Variants in NOTCH3 observed in about 807,000 individuals in gnomAD.
NOTCH3 encodes notch receptor 3, also known as neurogenic locus notch homolog protein 3.
Under a neutral mutation model 213.3 loss-of-function variants are expected in NOTCH3, and 86 were observed. The observed-to-expected ratio is 0.40, with a 90% confidence interval of 0.34 to 0.48. The LOEUF (loss-of-function observed/expected upper bound fraction) is 0.48, where lower values mean the gene tolerates loss of function less well. Ranked by LOEUF, NOTCH3 falls within the 20% of genes least tolerant of loss-of-function variation. The probability of loss-of-function intolerance (pLI) is 0.57; values close to 1 mark genes in which losing one functional copy is unlikely to be tolerated. For synonymous variants in NOTCH3, 1,354 were observed against 1,355.9 expected (o/e 1.00, Z 0.03); for missense variants, 2,783 against 3,272.6 (o/e 0.85, Z 3.65).
At chr19:15,182,088 G>C (rs771670041) in intron 16 of NOTCH3, among the ~76,000 whole-genome samples, 3 of 152,196 alleles carry the variant, frequency 2.0e-5, no homozygotes, top group Admixed American at 2.0e-4. Flanking sequence ...CCTGTGCTTG[G>C]AACAGGACAA....
Position 15,161,485 on chromosome 19 carries a change from G to T in NOTCH3, c.6143C>A (p.Ala2048Asp). 1 of 1,581,842 alleles carries T rather than the reference G, an allele frequency of 6.3e-7. No homozygotes were observed. Among genetic ancestry groups the T allele is most frequent in the Non-Finnish European group, 8.6e-7 (1 of 1,163,886 alleles). Residue 2048 changes from alanine to aspartate, a missense_variant, in exon 33 of 33, where the codon GCC (alanine) becomes GAC (aspartate). Ala to Asp is a moderately radical substitution (Grantham distance 126). Transcript: ENST00000263388. ...GLGPLLCPPGAFLPGLKAAQS... is the reference protein window; with the variant it reads ...GLGPLLCPPGDFLPGLKAAQS... Reference sequence around the variant, plus strand: ...TGCCGCTTTGAGGCCAGGGAGGAAGGCCCCTGGAGGACAGAGCAGAGGCCC... The same window carrying T: ...TGCCGCTTTGAGGCCAGGGAGGAAGTCCCCTGGAGGACAGAGCAGAGGCCC...
chr19:15,161,784 G>A, intron 32 of NOTCH3, 70 bp from the exon 33 acceptor site: 3 of 1,393,960 alleles, frequency 2.2e-6, no homozygotes, highest in Non-Finnish European at 3.0e-6. Flanking sequence ...CAGCCTCTTG[G>A]GGGAGCCCGA....
At position 15,189,404 on chromosome 19, in the gene NOTCH3, G is replaced by A. The variant is rs1424654182; in HGVS notation, c.1061C>T (p.Ala354Val). 1.2e-6 allele frequency: 2 copies of A among 1,613,846 alleles called. No homozygotes were observed. Among genetic ancestry groups the A allele is most frequent in the South Asian group, 2.2e-5 (2 of 91,092 alleles). Residue 354 changes from alanine (A) to valine (V), a missense_variant, in exon 7 of 33, where the codon GCC becomes GTC. Physicochemically the swap from Ala to Val is moderately conservative, Grantham distance 64. Around this residue, in one of 6 missense-constraint regions of NOTCH3, gnomAD observed 708 missense variants for 906.6 expected, o/e 0.78. Transcript: ENST00000263388. ...KTGLLCHLDD[A>V]CVSNPCHEDA... ...CTCGTGGCAGGGGTTGCTGACACAG[G>A]CGTCATCCAGGTGACACAGGAGGCC...
Position 15,170,733 on chromosome 19 carries a change from T to A in NOTCH3, c.4829A>T (p.Tyr1610Phe), listed in dbSNP as rs2145401574. Reference protein sequence around the residue: ...CFPDAQSAADYLGALSAVERL... With the variant: ...CFPDAQSAADFLGALSAVERL... ...CTCCACCGCTGACAACGCTCCCAGG[T>A]AGTCAGCGGCGCTCTGGGCATCGGG... Residue 1610 changes from tyrosine to phenylalanine, a missense_variant, in exon 26 of 33, where the codon TAC becomes TTC. Around this residue, in one of 6 missense-constraint regions of NOTCH3, gnomAD observed 636 missense variants for 801.8 expected, o/e 0.79. Coordinates refer to ENST00000263388, the MANE Select transcript of NOTCH3 (RefSeq NM_000435.3). 1 of 1,606,600 alleles carries A rather than the reference T, an allele frequency of 6.2e-7. No homozygotes were observed. Among genetic ancestry groups the A allele is most frequent in the Non-Finnish European group, 8.5e-7 (1 of 1,177,290 alleles).
rs115872852 is a variant in NOTCH3 at position 15,179,085 on chromosome 19, G to C, written c.3658C>G (p.Arg1220Gly). 1.2e-6 allele frequency: 2 copies of C among 1,614,198 alleles called. No individual in the cohort carries two copies. Among genetic ancestry groups the C allele is most frequent in the Non-Finnish European group, 1.7e-6 (2 of 1,180,040 alleles). The part of the protein sequence containing the change: ...RSGACHAAHT[R>G]DCLQDPGGGF... Reference sequence around the variant, plus strand: ...CCGCCTGGGTCCTGCAGGCAGTCCCGGGTGTGTGCCGCGTGGCAGGCACCT... The same window carrying C: ...CCGCCTGGGTCCTGCAGGCAGTCCCCGGTGTGTGCCGCGTGGCAGGCACCT... Residue 1220 changes from arginine (R) to glycine (G), a missense_variant, in exon 22 of 33, where the codon CGG becomes GGG. Coordinates refer to ENST00000263388, the MANE Select transcript of NOTCH3 (RefSeq NM_000435.3).
chr19:15,193,298 G>A (rs1191374620), intron 2 of NOTCH3, among the ~76,000 whole-genome samples: 9 of 151,210 alleles, frequency 6.0e-5, no homozygotes, highest in East Asian at 2.0e-4. Context: ...GTGCAGTGGC[G>A]CGATCTTGGC....
At chr19:15,199,243 G>C (rs1479058636) in intron 1 of NOTCH3, among the ~76,000 whole-genome samples, 3 of 152,182 alleles carry the variant, frequency 2.0e-5, no homozygotes, top group African/African-American at 7.2e-5. Context: ...GTACATGCAT[G>C]TCAGCGTGGG....
intron 6 of NOTCH3, among the ~76,000 whole-genome samples, chr19:15,190,898 T>C (rs1052040382): frequency 1.3e-5 from 2 of 152,090 alleles, no homozygotes; most frequent in Admixed American, 1.3e-4. Flanking sequence ...ACCAAGTTTT[T>C]GTAGAGATGA....
intron 6 of NOTCH3, among the ~76,000 whole-genome samples, chr19:15,190,656 G>A (rs2046919970): frequency 6.6e-6 from 1 of 152,196 alleles, no homozygotes; most frequent in Non-Finnish European, 1.5e-5. Flanking sequence ...CTCAGTCTCA[G>A]CTCACTGCAA....
chr19:15,179,296 C>A lies in NOTCH3; in HGVS notation c.3461-14G>T, dbSNP rs750789333. ...CGCAGAGCACCCCTGGGGGAAGAAA[C>A]GAGGGGTGGTCAAGAGGGAATGAAG... On this transcript the variant is annotated splice_polypyrimidine_tract_variant and intron_variant, in intron 21 of 32. Coordinates refer to ENST00000263388, the MANE Select transcript of NOTCH3 (RefSeq NM_000435.3). The A allele has an allele frequency of 6.8e-6, 11 of 1,611,196 alleles. No homozygotes were observed. The highest frequency in any genetic ancestry group is 9.3e-6 in the Non-Finnish European group (11 of 1,178,100).
At chr19:15,173,446 A>C (rs1431328003) in intron 25 of NOTCH3, among the ~76,000 whole-genome samples, 1 of 131,364 alleles carries the variant, frequency 7.6e-6, no homozygotes, top group Non-Finnish European at 1.6e-5. Flanking sequence ...AAAAAAAGAG[A>C]GAGAGAGATG....
rs1325571065 is a variant in NOTCH3, at chr19:15,184,923, C to T, written c.2393G>A (p.Cys798Tyr). 2 of 1,548,462 alleles carry T rather than the reference C, an allele frequency of 1.3e-6. No individual in the cohort carries two copies. Among genetic ancestry groups the T allele is most frequent in the Non-Finnish European group, 1.7e-6 (2 of 1,144,880 alleles). Residue 798 changes from cysteine to tyrosine, a missense_variant, in exon 15 of 33, where the codon TGC becomes TAC. By Grantham distance (194) the Cys-to-Tyr change is radical. Around this residue, in one of 6 missense-constraint regions of NOTCH3, gnomAD observed 861 missense variants for 909.1 expected, o/e 0.95. Transcript: ENST00000263388. The stretch of plus-strand genomic sequence containing the variant: ...TGGCATACCTTGCCAGCCCTGGGGG[C>T]AGGAGCAGACAGGCAGCTGGCCAGG... ...SAPGQLPVCS[C>Y]PQGWQGPRCQ...
intron 8 of NOTCH3, 91 bp from the exon 9 acceptor site, chr19:15,188,439 G>A (rs888898060): frequency 4.8e-6 from 4 of 831,178 alleles, no homozygotes; most frequent in African/African-American, 3.4e-5. Flanking sequence ...CCTACTCATC[G>A]ACAAATCCCC....
chr19:15,178,360 C>T, intron 23 of NOTCH3: 3 of 497,050 alleles, frequency 6.0e-6, no homozygotes, highest in Non-Finnish European at 1.1e-5. Context: ...CTTTTCCCTT[C>T]AAACCTCCAG....
At chr19:15,175,552 A>AAAAAACACAT (rs1273195882) in intron 24 of NOTCH3, among the ~76,000 whole-genome samples, 2 of 23,992 alleles carry the variant, frequency 8.3e-5, no homozygotes, top group Non-Finnish European at 1.2e-4. Context: ...AAAAAAAAAA[A>AAAAAACACAT]ATACATATAT....
At chr19:15,176,904 C>G (rs1366289943) in intron 24 of NOTCH3, among the ~76,000 whole-genome samples, 2 of 150,988 alleles carry the variant, frequency 1.3e-5, no homozygotes, top group African/African-American at 2.4e-5. Flanking sequence ...AACCCTGTCT[C>G]TACTAAAAAT....
In NOTCH3 at chr19:15,179,254, G is replaced by A. The variant is rs2145418463; in HGVS notation, c.3489C>T (p.Asp1163=). 6.2e-7 allele frequency: 1 copy of A among 1,613,998 alleles called. No homozygotes were observed. The highest frequency in any genetic ancestry group is 1.1e-5 in the South Asian group (1 of 91,092). The part of the protein sequence containing the change: ...LGVLCEINED[D]CGPGPPLDSG... ...AGTCCAGCGGTGGGCCTGGGCCGCA[G>A]TCATCCTCATTAATCTCGCAGAGCA... The change falls in exon 22 of 33, where the codon GAC becomes GAT. Residue 1163 remains aspartate (D), a synonymous_variant. Coordinates refer to ENST00000263388, the MANE Select transcript of NOTCH3 (RefSeq NM_000435.3).
At chr19:15,198,365 G>A (rs2046985800) in intron 1 of NOTCH3, among the ~76,000 whole-genome samples, 1 of 152,232 alleles carries the variant, frequency 6.6e-6, no homozygotes, top group Non-Finnish European at 1.5e-5. Context: ...GAGAGAGGGT[G>A]ATGGAGAGAG....
chr19:15,196,682 T>A (rs1472025715), intron 2 of NOTCH3, among the ~76,000 whole-genome samples: 1 of 152,150 alleles, frequency 6.6e-6, no homozygotes, highest in Non-Finnish European at 1.5e-5. Flanking sequence ...CTCCCTACCA[T>A]TATTATTTAT....
Sources: allele counts gnomAD v4.1 joint callset (sites outside exome capture counted in the v4.1 genomes callset), GRCh38; gene constraint gnomAD v4.1.1; regional missense constraint gnomAD v4.1.1; transcripts MANE v1.5; gene names NCBI Gene and HGNC (gene_info 2026-07-23, HGNC 2026-07-21).